The following TRIM5 variants were observed in gnomAD, a reference collection of about 807,000 sequenced individuals.
TRIM5 encodes the protein tripartite motif containing 5, also known as tripartite motif-containing protein 5.
Under a neutral mutation model 35.6 loss-of-function variants are expected in TRIM5, and 31 were observed. The observed-to-expected ratio is 0.87, with a 90% CI of 0.65 to 1.18. The LOEUF is 1.18. TRIM5 is among the 50% of genes most tolerant of loss of function. TRIM5 has a pLI of 0.00. For missense variants in TRIM5, 609 were observed against 591.6 expected (o/e 1.03, Z -0.31); for synonymous variants, 243 against 215.6 (o/e 1.13, Z -1.11).
At chr11:5,674,242 A>G (rs576025423) in intron 4 of TRIM5, among the ~76,000 whole-genome samples, 4 of 152,324 alleles carry the variant, frequency 2.6e-5, no homozygotes, top group African/African-American at 9.6e-5. Flanking sequence ...GATGGATGTC[A>G]GCAAAATAGT....
chr11:5,635,598 C>T, the TRIM5 span, among the ~76,000 whole-genome samples: 1 of 152,006 alleles, frequency 6.6e-6, no homozygotes, highest in African/African-American at 2.4e-5. Context: ...GAATATTGAG[C>T]CTTTTGGGGA....
intron 1 of TRIM5, among the ~76,000 whole-genome samples, chr11:5,683,637 C>T (rs550032823): frequency 3.5e-4 from 54 of 152,310 alleles, no homozygotes; most frequent in African/African-American, 8.7e-4. Flanking sequence ...CCAATCGACA[C>T]TCTGTATCTA....
chr11:5,654,379 CAGTGGTAT>C, the TRIM5 span, among the ~76,000 whole-genome samples: 2 of 152,158 alleles, frequency 1.3e-5, no homozygotes. Context: ...TGGGTAGGCA[CAGTGGTAT>C]AGTGTTCATG....
chr11:5,633,991 A>C, the TRIM5 span: 1 of 1,385,706 alleles, frequency 7.2e-7, no homozygotes, highest in Non-Finnish European at 9.9e-7. Flanking sequence ...TTGACATTGC[A>C]TGAGTCCTGA....
At chr11:5,641,259 G>A in the TRIM5 span, 3 of 1,608,222 alleles carry the variant, frequency 1.9e-6, no homozygotes, top group Non-Finnish European at 2.5e-6. Context: ...AGAGTTATTT[G>A]GTGGTCAATT....
chr11:5,641,966 G>A, the TRIM5 span, among the ~76,000 whole-genome samples: 1 of 152,032 alleles, frequency 6.6e-6, no homozygotes, highest in African/African-American at 2.4e-5. Context: ...TTTCCCTACA[G>A]AGCCCCGTAT....
chr11:5,662,927 G>A (rs912194753), downstream of TRIM5, among the ~76,000 whole-genome samples: 4 of 152,224 alleles, frequency 2.6e-5, no homozygotes, highest in Non-Finnish European at 5.9e-5. Flanking sequence ...CCAGGGCTTC[G>A]GGATCCGCCT....
the TRIM5 span, among the ~76,000 whole-genome samples, chr11:5,654,899 G>T: frequency 6.6e-6 from 1 of 151,916 alleles, no homozygotes; most frequent in Admixed American, 6.6e-5. Flanking sequence ...ATAAGAAATG[G>T]CATTTTTCTG....
At chr11:5,611,557 G>A in the TRIM5 span, 16 of 484,476 alleles carry the variant, frequency 3.3e-5, no homozygotes, top group Middle Eastern at 5.0e-4. Context: ...GGGTTCAAGC[G>A]AACCTCCTGC....
intron 4 of TRIM5, among the ~76,000 whole-genome samples, chr11:5,677,236 T>A (rs1403940332): frequency 6.6e-6 from 1 of 151,792 alleles, no homozygotes; most frequent in African/African-American, 2.4e-5. Flanking sequence ...GAATCTACAA[T>A]GAACTCAAAC....
intron 1 of TRIM5, among the ~76,000 whole-genome samples, chr11:5,682,092 C>T (rs528828053): frequency 6.6e-6 from 1 of 152,024 alleles, no homozygotes; most frequent in East Asian, 2.0e-4. Flanking sequence ...CCACCGTGCC[C>T]GGCTTCAGCT....
In TRIM5 at chr11:5,664,681, G is replaced by T; in HGVS notation, c.*128C>A. The T allele has an allele frequency of 1.4e-6, 2 of 1,457,920 alleles. No homozygotes were observed. The highest frequency in any genetic ancestry group is 3.1e-5 in the South Asian group (2 of 63,930). The allele number at this position is 1,457,920 out of a possible 1,614,324, so 90.3% of individuals were successfully genotyped here. A position where few individuals can be genotyped will look rare whatever the true frequency, so the allele number is the denominator to read the frequency against. ...TTATTACATTTTACTGATGAGTGAA[G>T]GACGTTCAAATAGAAAGAAGGGAGA... On this transcript the variant is annotated 3_prime_UTR_variant, in exon 8 of 8. Transcript: ENST00000380034.
At chr11:5,642,282 C>G in the TRIM5 span, 60 of 774,590 alleles carry the variant, frequency 7.7e-5, no homozygotes, top group Non-Finnish European at 1.6e-5. Context: ...CCTTCTCCCC[C>G]TCCTCAGGCT....
chr11:5,595,599 A>C, the TRIM5 span, among the ~76,000 whole-genome samples: 1 of 152,230 alleles, frequency 6.6e-6, no homozygotes, highest in Non-Finnish European at 1.5e-5. Context: ...TGATATTAGA[A>C]AGCTACAGTA....
the TRIM5 span, among the ~76,000 whole-genome samples, chr11:5,605,971 C>G: frequency 1.3e-5 from 2 of 152,188 alleles, no homozygotes; most frequent in African/African-American, 4.8e-5. Context: ...TAGATGTCAG[C>G]AGCACCACCC....
the TRIM5 span, chr11:5,642,710 C>T: frequency 1.5e-4 from 228 of 1,499,970 alleles, 1 homozygote; most frequent in Non-Finnish European, 1.9e-4. Context: ...CACTAGCTCA[C>T]AGCTTCATGG....
At chr11:5,655,658 A>T in the TRIM5 span, 2 of 985,426 alleles carry the variant, frequency 2.0e-6, no homozygotes, top group South Asian at 4.7e-5. Context: ...AACCAATGTT[A>T]TGGAGGCTTC....
chr11:5,643,790 C>T, the TRIM5 span: 1 of 1,498,772 alleles, frequency 6.7e-7, no homozygotes, highest in Non-Finnish European at 8.9e-7. Context: ...CACACCATTG[C>T]TTCCTTGTGG....
the TRIM5 span, chr11:5,611,912 G>A: frequency 5.3e-5 from 8 of 151,966 alleles, no homozygotes; most frequent in African/African-American, 1.9e-4. Flanking sequence ...TTGATGCAGG[G>A]GATCAAATTT....
Sources: gnomAD v4.1 joint callset for allele counts (sites outside exome capture counted in the v4.1 genomes callset) on GRCh38, gnomAD v4.1.1 for gene constraint, MANE v1.5 for transcripts, NCBI Gene and HGNC (gene_info 2026-07-23, HGNC 2026-07-21) for gene names.